Variants in LRRC7 observed in about 807,000 individuals in gnomAD.
The protein encoded by LRRC7 is leucine-rich repeat-containing protein 7.
A neutral mutation model predicts 175.7 loss-of-function variants in LRRC7; 23 were observed. The observed-to-expected ratio is 0.13, with a 90% CI of 0.09 to 0.19. The LOEUF (loss-of-function observed/expected upper bound fraction) is 0.19. LRRC7 is among the 10% of genes least tolerant of loss of function. The pLI is 1.00. For synonymous variants in LRRC7, 685 were observed against 680.9 expected, an observed-to-expected ratio of 1.01 and a Z score of -0.09; for missense variants, 1,354 against 1,904.7, an observed-to-expected ratio of 0.71 and a Z score of 5.38.
chr1:69,764,730 C>CAGACAGAT (rs1377304958), intron 3 of LRRC7, among the ~76,000 whole-genome samples: 19,588 of 140,074 alleles, frequency 0.14, 1,535 homozygotes, highest in East Asian at 0.22. Flanking sequence ...GATAGATAGA[C>CAGACAGAT]AGATAGATAG....
intron 17 of LRRC7, among the ~76,000 whole-genome samples, chr1:70,025,254 A>AT (rs148616838): frequency 0.072 from 10,805 of 150,192 alleles, 431 homozygotes; most frequent in South Asian, 0.11. Flanking sequence ...TTAATCATTT[A>AT]TTTTTAGTGT....
chr1:69,767,254 T>C (rs1271370679), intron 3 of LRRC7, among the ~76,000 whole-genome samples: 3 of 152,200 alleles, frequency 2.0e-5, no homozygotes, highest in Non-Finnish European at 4.4e-5. Context: ...TTATACCGTA[T>C]GTCATTTTTT....
chr1:69,758,997 T>C (rs1440701830), intron 2 of LRRC7, among the ~76,000 whole-genome samples: 4 of 151,958 alleles, frequency 2.6e-5, no homozygotes, highest in African/African-American at 9.7e-5. Flanking sequence ...GTACTGTAAA[T>C]TTAAGGATAA....
At chr1:69,642,482 T>G (rs1483545479) in intron 1 of LRRC7, among the ~76,000 whole-genome samples, 1 of 152,024 alleles carries the variant, frequency 6.6e-6, no homozygotes, top group Non-Finnish European at 1.5e-5. Flanking sequence ...TTATAGTAAA[T>G]ATAATAACTT....
In LRRC7 at chr1:70,122,887, T is replaced by C. The variant is rs1198596014; in HGVS notation, c.*1000T>C. On this transcript the variant is annotated 3_prime_UTR_variant, in exon 27 of 27. Coordinates refer to ENST00000651989, the MANE Select transcript of LRRC7 (RefSeq NM_001370785.2). ...TTTTGGAAATTGATAAAATTTATCA[T>C]TACGAAAGACTGCTGTTAGAAAGTT... 6.6e-6 allele frequency: 1 copy of C among 152,656 alleles called. No homozygotes were observed. The highest frequency in any genetic ancestry group is 1.5e-5 in the Non-Finnish European group (1 of 67,922). The allele number at this position is 152,656 out of a possible 1,614,324, so 9.5% of individuals were successfully genotyped here. A position where few individuals can be genotyped will look rare whatever the true frequency, so the allele number is the denominator to read the frequency against.
At chr1:70,091,323 T>C (rs554737729) in intron 25 of LRRC7, among the ~76,000 whole-genome samples, 1 of 152,264 alleles carries the variant, frequency 6.6e-6, no homozygotes, top group South Asian at 2.1e-4. Context: ...ATGATGACAT[T>C]TTTTAAAACC....
chr1:69,633,956 T>A lies in LRRC7; in HGVS notation c.3-44425T>A, dbSNP rs932974353. Among the ~76,000 whole-genome samples the A allele has an allele frequency of 1.4e-4, 22 of 152,204 alleles. No individual in the cohort carries two copies. In the East Asian group the frequency reaches 4.1e-3, roughly 28 times the overall value. On this transcript the variant is annotated intron_variant, in intron 1 of 26. Coordinates refer to ENST00000651989, the MANE Select transcript of LRRC7 (RefSeq NM_001370785.2). The stretch of plus-strand genomic sequence containing the variant: ...ATCTTTCCTGTCATTTTGTTTTGAG[T>A]GTGACCCTTATAAATAGCTTATAGT...
intron 3 of LRRC7, among the ~76,000 whole-genome samples, chr1:69,773,556 G>A (rs774193574): frequency 3.4e-4 from 51 of 152,152 alleles, no homozygotes; most frequent in Non-Finnish European, 5.6e-4. Context: ...TAAATTAACT[G>A]TATTTTATAA....
chr1:69,996,837 C>T (rs1378916334), intron 11 of LRRC7, among the ~76,000 whole-genome samples: 1 of 151,836 alleles, frequency 6.6e-6, no homozygotes, highest in East Asian at 1.9e-4. Flanking sequence ...TAGTGTGATG[C>T]CTCCAGCTTT....
chr1:69,728,950 C>T (rs988509878), intron 2 of LRRC7, among the ~76,000 whole-genome samples: 1 of 152,158 alleles, frequency 6.6e-6, no homozygotes, highest in African/African-American at 2.4e-5. Context: ...GAGGAGGCCT[C>T]AGAAAACTTA....
intron 2 of LRRC7, among the ~76,000 whole-genome samples, chr1:69,700,314 G>GT (rs748178829): frequency 5.9e-5 from 9 of 152,314 alleles, no homozygotes; most frequent in Non-Finnish European, 1.2e-4. Flanking sequence ...TAAGTATTGA[G>GT]TTAATGTATG....
intron 18 of LRRC7, among the ~76,000 whole-genome samples, chr1:70,029,147 A>G (rs753710232): frequency 6.6e-6 from 1 of 152,168 alleles, no homozygotes; most frequent in Non-Finnish European, 1.5e-5. Context: ...TTAAACACCA[A>G]CTGCATATGT....
chr1:69,807,793 A>G (rs1225265704), intron 4 of LRRC7, among the ~76,000 whole-genome samples: 1 of 151,734 alleles, frequency 6.6e-6, no homozygotes, highest in African/African-American at 2.4e-5. Flanking sequence ...GCTCTTCTCG[A>G]GGAGTATCTT....
intron 5 of LRRC7, among the ~76,000 whole-genome samples, chr1:69,834,488 G>A (rs1048974451): frequency 6.6e-6 from 1 of 152,110 alleles, no homozygotes; most frequent in African/African-American, 2.4e-5. Flanking sequence ...GTCCTGGCTA[G>A]CGTGCATAAG....
intron 7 of LRRC7, among the ~76,000 whole-genome samples, chr1:69,869,717 C>T (rs569786945): frequency 1.3e-5 from 2 of 152,194 alleles, no homozygotes; most frequent in East Asian, 3.9e-4. Flanking sequence ...GCAGGAAAGG[C>T]ACTTATCATA....
chr1:70,040,438 A>T (rs1659777077), intron 21 of LRRC7, among the ~76,000 whole-genome samples: 1 of 152,218 alleles, frequency 6.6e-6, no homozygotes, highest in Non-Finnish European at 1.5e-5. Context: ...AGACAACAAA[A>T]ATAGTTGATG....
chr1:70,099,746 T>G (rs1313556073), intron 25 of LRRC7, among the ~76,000 whole-genome samples: 1 of 152,104 alleles, frequency 6.6e-6, no homozygotes, highest in Non-Finnish European at 1.5e-5. Flanking sequence ...ACTCCTGTTT[T>G]TAATCATTTT....
chr1:69,831,970 C>T (rs540727815), intron 5 of LRRC7, among the ~76,000 whole-genome samples: 1 of 152,134 alleles, frequency 6.6e-6, no homozygotes, highest in African/African-American at 2.4e-5. Flanking sequence ...TTTCAAAGAA[C>T]CTATCAATGA....
chr1:70,009,654 T>A (rs144404784), intron 11 of LRRC7, among the ~76,000 whole-genome samples: 49 of 152,308 alleles, frequency 3.2e-4, no homozygotes, highest in Non-Finnish European at 4.7e-4. Context: ...GTATCCTCAT[T>A]GTAAATATAA....
Sources: gnomAD v4.1 joint callset for allele counts (sites outside exome capture counted in the v4.1 genomes callset) on GRCh38, gnomAD v4.1.1 for gene constraint, MANE v1.5 for transcripts, NCBI Gene and HGNC (gene_info 2026-07-23, HGNC 2026-07-21) for gene names.